The following MAP3K14 variants were observed in gnomAD, a reference collection of about 807,000 sequenced individuals.
MAP3K14 encodes NF-kappa-beta-inducing kinase.
MAP3K14 carries 16 observed loss-of-function variants against 99.2 expected under a neutral mutation model. The ratio of observed to expected loss-of-function variants is 0.16; its 90% confidence interval spans 0.11 to 0.24. The LOEUF (loss-of-function observed/expected upper bound fraction) is 0.24, where lower values mean the gene tolerates loss of function less well. Ranked by LOEUF, MAP3K14 falls within the 10% of genes least tolerant of loss-of-function variation. The probability of loss-of-function intolerance (pLI) is 1.00; values close to 1 mark genes in which losing one functional copy is unlikely to be tolerated. For missense variants in MAP3K14, 784 were observed against 1,208.7 expected (o/e 0.65, Z 5.21); for synonymous variants, 462 against 492.4 (o/e 0.94, Z 0.82).
chr17:45,267,575 T>C lies in MAP3K14; in HGVS notation c.2157A>G (p.Pro719=). 1 of 1,613,296 alleles carries C rather than the reference T, an allele frequency of 6.2e-7. No individual in the cohort carries two copies. Among genetic ancestry groups the C allele is most frequent in the Non-Finnish European group, 8.5e-7 (1 of 1,179,598 alleles). Residue 719 remains proline, a synonymous_variant, in exon 12 of 16, where the codon CCA becomes CCG. Coordinates refer to ENST00000344686, the MANE Select transcript of MAP3K14 (RefSeq NM_003954.5). The surrounding 1 kb of genome is among the most constrained non-coding windows in gnomAD (Gnocchi z 5.1). ...GAGACTTGTTTGGCTCTGGGGGCTC[T>C]GGTGGGAGAGGAGGCTGGAGCTTAG... is the stretch of plus-strand genomic sequence containing the variant. The part of the protein sequence containing the change: ...RAPKLQPPLP[P]EPPEPNKSPP...
At chr17:45,304,104 C>T (rs2044413407) in intron 1 of MAP3K14, among the ~76,000 whole-genome samples, 1 of 151,394 alleles carries the variant, frequency 6.6e-6, no homozygotes, top group South Asian at 2.1e-4. Flanking sequence ...CCTCCGTCTC[C>T]CGAGTTCAAG....
At chr17:45,273,727 C>G (rs1322864383) in intron 8 of MAP3K14, 120 bp from the exon 9 acceptor site, 1 of 752,160 alleles carries the variant, frequency 1.3e-6, no homozygotes, top group South Asian at 1.5e-5. Flanking sequence ...TACGTGGCAG[C>G]TGCTGCTTCT....
chr17:45,275,866 A>G (rs1482533782), intron 6 of MAP3K14, among the ~76,000 whole-genome samples: 4 of 150,738 alleles, frequency 2.7e-5, no homozygotes, highest in Non-Finnish European at 5.9e-5. Context: ...GGTTCAAGCA[A>G]TTCTCCTGCC....
At chr17:45,268,782 C>T (rs1031088688) in intron 11 of MAP3K14, among the ~76,000 whole-genome samples, 21 of 152,088 alleles carry the variant, frequency 1.4e-4, no homozygotes, top group Non-Finnish European at 3.1e-4. Flanking sequence ...AGCTGTAGTG[C>T]GCGTCCTCAG....
intron 6 of MAP3K14, among the ~76,000 whole-genome samples, chr17:45,277,949 C>T (rs142196790): frequency 7.1e-4 from 108 of 152,286 alleles, no homozygotes; most frequent in African/African-American, 2.4e-3. Context: ...GCATACATCC[C>T]GTTAATAATC....
intron 1 of MAP3K14, among the ~76,000 whole-genome samples, chr17:45,304,007 T>TTCC (rs2044411326): frequency 2.7e-5 from 4 of 150,356 alleles, no homozygotes; most frequent in Non-Finnish European, 5.9e-5. Flanking sequence ...TTTCTTTTCT[T>TTCC]TTCTTTTTTT....
In MAP3K14 at chr17:45,273,448, AGGCATTT is replaced by A. The variant is rs1218232090; in HGVS notation, c.1657+48_1657+54del. 18 of 1,340,136 alleles carry A rather than the reference AGGCATTT, an allele frequency of 1.3e-5. No homozygotes were observed. The East Asian group carries it at 3.9e-4, about 29-fold the overall frequency. 83.0% of individuals were successfully genotyped at this position (1,340,136 alleles called of 1,614,324 possible). On this transcript the variant is annotated intron_variant, in intron 9 of 15. Coordinates refer to ENST00000344686, the MANE Select transcript of MAP3K14 (RefSeq NM_003954.5). ...CAATTCCCATTCTGGAAAGCATGGA[AGGCATTT>A]GGCGAATGAATGCATTGGGGGGCAC...
chr17:45,265,847 A>G (rs1173545859), intron 14 of MAP3K14, among the ~76,000 whole-genome samples: 1 of 152,234 alleles, frequency 6.6e-6, no homozygotes, highest in Non-Finnish European at 1.5e-5. Flanking sequence ...TGGCCTGTGC[A>G]TTGCTAAGAG....
At chr17:45,284,517 T>C (rs2044248650) in intron 6 of MAP3K14, among the ~76,000 whole-genome samples, 1 of 152,222 alleles carries the variant, frequency 6.6e-6, no homozygotes, top group African/African-American at 2.4e-5. Context: ...TCCAACCATC[T>C]TCCACGTTGG....
In MAP3K14 at chr17:45,297,345, C is replaced by T. The variant is rs373815839; in HGVS notation, c.-20-6580G>A. Among the ~76,000 whole-genome samples the T allele has an allele frequency of 3.0e-4, 46 of 152,336 alleles. 2 individuals are homozygous for T. The South Asian group carries it at 8.5e-3, about 28-fold the overall frequency. On this transcript the variant is annotated intron_variant, in intron 1 of 15. Transcript: ENST00000344686. The stretch of plus-strand genomic sequence containing the variant: ...GTAATAATTCCTTAGCCCAGGTAGA[C>T]AGGAAGCAGACGAAGATCCCTTACT...
Position 45,291,096 on chromosome 17 carries a change from G to A in MAP3K14, c.-20-331C>T, listed in dbSNP as rs1245787307. On this transcript the variant is annotated intron_variant, in intron 1 of 15. Transcript: ENST00000344686. ...GTTGGCTCTTTCTTGCCTTTATGAT[G>A]GCTCGATCTTTTTCTGTTGTTTTAT... 1.3e-5 allele frequency: 3 copies of A among 229,462 alleles called. No individual in the cohort carries two copies. In the Admixed American group the frequency reaches 1.5e-4, roughly 12 times the overall value. The allele number at this position is 229,462 out of a possible 1,614,324, so 14.2% of individuals were successfully genotyped here. A position where few individuals can be genotyped will look rare whatever the true frequency, so the allele number is the denominator to read the frequency against.
At position 45,287,051 on chromosome 17, in the gene MAP3K14, G is replaced by A; in HGVS notation, c.538-6C>T. On this transcript the variant is annotated splice_polypyrimidine_tract_variant and splice_region_variant and intron_variant, in intron 4 of 15. Transcript: ENST00000344686. ...CCGAGTGGAGACTCATCCTCCTGCG[G>A]GGGGAAACACAGCTATCAGCACAGA... The A allele has an allele frequency of 6.2e-7, 1 of 1,609,676 alleles. No homozygotes were observed. The highest frequency in any genetic ancestry group is 8.5e-7 in the Non-Finnish European group (1 of 1,176,680).
chr17:45,293,067 C>CA (rs1025723205), intron 1 of MAP3K14, among the ~76,000 whole-genome samples: 9 of 152,350 alleles, frequency 5.9e-5, no homozygotes, highest in African/African-American at 2.2e-4. Context: ...AGTGCCTCCC[C>CA]AGTGTATAGC....
chr17:45,284,745 G>T, intron 6 of MAP3K14, 67 bp downstream of exon 6: 1 of 1,507,294 alleles, frequency 6.6e-7, no homozygotes, highest in Non-Finnish European at 8.9e-7. Flanking sequence ...TGGACAGAAA[G>T]CAGAGGGAAC....
Position 45,284,853 on chromosome 17 carries a change from T to A in MAP3K14, c.1249A>T (p.Met417Leu). The A allele has an allele frequency of 2.5e-6, 4 of 1,591,936 alleles. No individual in the cohort carries two copies. The highest frequency in any genetic ancestry group is 1.3e-5 in the African/African-American group (1 of 74,520). The change falls in exon 6 of 16, where the codon ATG becomes TTG. Residue 417 changes from methionine to leucine, a missense_variant. Transcript: ENST00000344686. ...TGGAAGCCAGTCTGCTTGTCCTCCA[T>A]CCTGTGCACCTCTCCGAAGGAGCCT... ...GRGSFGEVHR[M>L]EDKQTGFQCA...
At chr17:45,307,226 C>T (rs2044437217) in intron 1 of MAP3K14, among the ~76,000 whole-genome samples, 1 of 151,306 alleles carries the variant, frequency 6.6e-6, no homozygotes. Flanking sequence ...CCACTGCACT[C>T]CAACCTAGGC....
chr17:45,285,659 A>G (rs2044258402), intron 5 of MAP3K14, among the ~76,000 whole-genome samples: 1 of 151,892 alleles, frequency 6.6e-6, no homozygotes, highest in Non-Finnish European at 1.5e-5. Flanking sequence ...TAAAAAATTA[A>G]AAAGTGGATG....
intron 1 of MAP3K14, among the ~76,000 whole-genome samples, chr17:45,310,625 C>T (rs551255126): frequency 4.6e-5 from 7 of 152,274 alleles, no homozygotes; most frequent in Admixed American, 1.3e-4. Flanking sequence ...TAGGATAACA[C>T]CCAGAGTATG....
chr17:45,304,542 A>G (rs1390913528), intron 1 of MAP3K14, among the ~76,000 whole-genome samples: 1 of 152,222 alleles, frequency 6.6e-6, no homozygotes, highest in Non-Finnish European at 1.5e-5. Context: ...TCTATGTGTC[A>G]GAGAAGTAGA....
Sources: gnomAD v4.1 joint callset for allele counts (sites outside exome capture counted in the v4.1 genomes callset) on GRCh38, gnomAD v4.1.1 for gene constraint, Gnocchi (gnomAD v3.1) non-coding constraint, MANE v1.5 for transcripts, NCBI Gene and HGNC (gene_info 2026-07-23, HGNC 2026-07-21) for gene names.